The following TRPM3 variants were observed in gnomAD, a reference collection of about 807,000 sequenced individuals.
TRPM3 encodes transient receptor potential cation channel subfamily M member 3, also known as long transient receptor potential channel 3.
TRPM3 carries 77 observed loss-of-function variants against 181.2 expected under a neutral mutation model. That is an observed-to-expected ratio of 0.42 (90% CI 0.35 to 0.51). The LOEUF is 0.51. TRPM3 is among the 20% of genes least tolerant of loss of function. TRPM3 has a pLI of 0.01. For synonymous variants in TRPM3, 745 were observed against 796.4 expected, an observed-to-expected ratio of 0.94 and a Z score of 1.09; for missense variants, 1,759 against 2,196.7, an observed-to-expected ratio of 0.80 and a Z score of 3.98.
At chr9:70,611,097 C>A (rs2061932093) in intron 18 of TRPM3, among the ~76,000 whole-genome samples, 1 of 152,182 alleles carries the variant, frequency 6.6e-6, no homozygotes. Flanking sequence ...TCCTCCCCAC[C>A]TGCTCTCTTT....
chr9:71,017,032 C>A (rs1005146468), intron 1 of TRPM3, among the ~76,000 whole-genome samples: 1 of 152,096 alleles, frequency 6.6e-6, no homozygotes, highest in Admixed American at 6.5e-5. Flanking sequence ...GATTTAACCA[C>A]TTGAGCATTG....
rs1421907022 is a variant in TRPM3, at chr9:71,384,116, C to T, written c.183+62537G>A. Reference sequence around the variant, plus strand: ...ATTAATATATCATATATTCTGGTGGCTAATTGATGTTCATATACATCAGAA... The same window carrying T: ...ATTAATATATCATATATTCTGGTGGTTAATTGATGTTCATATACATCAGAA... On this transcript the variant is annotated intron_variant, in intron 1 of 24. Transcript: ENST00000357533. 2.6e-5 allele frequency among the ~76,000 whole-genome samples: 4 copies of T among 152,116 alleles called. No individual in the cohort carries two copies. In the East Asian group the frequency reaches 7.7e-4, roughly 29 times the overall value.
At chr9:70,940,868 A>G (rs1043189664) in intron 1 of TRPM3, among the ~76,000 whole-genome samples, 1 of 152,220 alleles carries the variant, frequency 6.6e-6, no homozygotes, top group African/African-American at 2.4e-5. Flanking sequence ...AAGCAAGGCT[A>G]GAGTGGTTGT....
chr9:70,599,377 AT>A (rs2059510183), intron 20 of TRPM3, among the ~76,000 whole-genome samples: 1 of 152,224 alleles, frequency 6.6e-6, no homozygotes, highest in Non-Finnish European at 1.5e-5. Flanking sequence ...TTATACCTCA[AT>A]TAAAAAAAAG....
intron 1 of TRPM3, among the ~76,000 whole-genome samples, chr9:71,246,089 T>C (rs2082020752): frequency 1.3e-5 from 2 of 152,212 alleles, no homozygotes; most frequent in South Asian, 4.1e-4. Flanking sequence ...ATTGGGGGTT[T>C]GGGAAGTGGA....
intron 22 of TRPM3, among the ~76,000 whole-genome samples, chr9:70,563,196 C>T (rs1397186009): frequency 6.6e-6 from 1 of 152,206 alleles, no homozygotes; most frequent in African/African-American, 2.4e-5. Context: ...CTTCTAGGTG[C>T]TTGTTTTCTG....
At chr9:71,361,353 T>C (rs964181019) in intron 1 of TRPM3, among the ~76,000 whole-genome samples, 6 of 152,004 alleles carry the variant, frequency 3.9e-5, no homozygotes, top group African/African-American at 1.5e-4. Context: ...GACCATAGCG[T>C]AAGAAAAAAT....
At chr9:71,139,958 T>C (rs1194009158) in intron 1 of TRPM3, among the ~76,000 whole-genome samples, 2 of 152,196 alleles carry the variant, frequency 1.3e-5, no homozygotes, top group Non-Finnish European at 2.9e-5. Flanking sequence ...CCAAGCTCTC[T>C]TGCAGCCCTC....
At chr9:70,971,661 T>A (rs2097248649) in intron 1 of TRPM3, among the ~76,000 whole-genome samples, 1 of 152,072 alleles carries the variant, frequency 6.6e-6, no homozygotes, top group Non-Finnish European at 1.5e-5. Flanking sequence ...TGAGATAAAT[T>A]TGTATTTTGG....
rs532575180 is a variant in TRPM3, at chr9:71,195,590, A to C, written c.183+251063T>G. Among the ~76,000 whole-genome samples the C allele has an allele frequency of 6.8e-4, 104 of 152,258 alleles. 1 individual carries two copies. Among genetic ancestry groups the C allele is most frequent in the African/African-American group, 2.4e-3 (101 of 41,564 alleles). ...TAAAAATAGAACTACCATTCAACCCAGCAATCCCATTACTGGGTATGTATC... is the reference window on the plus strand; with the variant it reads ...TAAAAATAGAACTACCATTCAACCCCGCAATCCCATTACTGGGTATGTATC... On this transcript the variant is annotated intron_variant, in intron 1 of 24. Coordinates refer to the TRPM3 transcript ENST00000357533.
At chr9:71,041,535 C>T (rs2058821447) in intron 1 of TRPM3, among the ~76,000 whole-genome samples, 1 of 152,060 alleles carries the variant, frequency 6.6e-6, no homozygotes, top group South Asian at 2.1e-4. Context: ...TGACTAACTC[C>T]ATTTGATGGT....
intron 9 of TRPM3, among the ~76,000 whole-genome samples, chr9:70,642,516 C>T (rs577512277): frequency 1.3e-5 from 2 of 152,318 alleles, no homozygotes; most frequent in South Asian, 2.1e-4. Context: ...CAAAACTTTG[C>T]TGCACATTAG....
intron 1 of TRPM3, among the ~76,000 whole-genome samples, chr9:71,036,837 C>T (rs1409787551): frequency 1.3e-5 from 2 of 152,248 alleles, no homozygotes; most frequent in East Asian, 1.9e-4. Context: ...ATGGAAGGTG[C>T]AGATCAAGAG....
At chr9:71,268,789 T>C (rs756631039) in intron 1 of TRPM3, among the ~76,000 whole-genome samples, 1 of 151,982 alleles carries the variant, frequency 6.6e-6, no homozygotes, top group East Asian at 1.9e-4. Context: ...GCCACTGCAC[T>C]CCAGCCTGGG....
At chr9:70,750,593 G>A (rs2075965332) in intron 8 of TRPM3, among the ~76,000 whole-genome samples, 1 of 152,150 alleles carries the variant, frequency 6.6e-6, no homozygotes, top group East Asian at 1.9e-4. Flanking sequence ...GAGGATGATG[G>A]CACTGGAATC....
At chr9:71,270,453 G>A (rs2083706201) in intron 1 of TRPM3, among the ~76,000 whole-genome samples, 1 of 152,132 alleles carries the variant, frequency 6.6e-6, no homozygotes, top group South Asian at 2.1e-4. Context: ...CCTGCTCACT[G>A]GACTCATCCT....
At chr9:70,880,151 T>C (rs577195354) in intron 1 of TRPM3, among the ~76,000 whole-genome samples, 2 of 152,242 alleles carry the variant, frequency 1.3e-5, no homozygotes, top group African/African-American at 4.8e-5. Context: ...TCATGATCTA[T>C]GGAAAAAAAT....
chr9:70,847,443 C>T (rs572085939), intron 3 of TRPM3, among the ~76,000 whole-genome samples: 2 of 152,008 alleles, frequency 1.3e-5, no homozygotes, highest in East Asian at 3.9e-4. Context: ...ATTGAGACTC[C>T]TAAACAAAGA....
At chr9:70,964,236 A>G (rs937824059) in intron 1 of TRPM3, among the ~76,000 whole-genome samples, 11 of 152,272 alleles carry the variant, frequency 7.2e-5, no homozygotes, top group Non-Finnish European at 1.6e-4. Flanking sequence ...AAACTCCAAA[A>G]GGGCAAGGAC....
Sources: allele counts gnomAD v4.1 joint callset (sites outside exome capture counted in the v4.1 genomes callset), GRCh38; gene constraint gnomAD v4.1.1; transcripts MANE v1.5; gene names NCBI Gene and HGNC (gene_info 2026-07-23, HGNC 2026-07-21).